STRN3: variants seen among roughly 807,000 people sequenced by gnomAD.
STRN3 encodes the protein striatin 3.
STRN3 carries 29 observed loss-of-function variants against 95.6 expected under a neutral mutation model. The ratio of observed to expected loss-of-function variants is 0.30; its 90% CI spans 0.23 to 0.41. The LOEUF is 0.41. Among genes scored for constraint, STRN3 ranks in the 10% least tolerant of loss-of-function variants. STRN3 has a pLI of 1.00. For missense variants in STRN3, 890 were observed against 972.1 expected, an observed-to-expected ratio of 0.92 and a Z score of 1.12; for synonymous variants, 331 against 357.6, an observed-to-expected ratio of 0.93 and a Z score of 0.84.
At chr14:30,924,684 CCTGT>C (rs2139033753) in intron 8 of STRN3, among the ~76,000 whole-genome samples, 1 of 152,130 alleles carries the variant, frequency 6.6e-6, no homozygotes, top group Non-Finnish European at 1.5e-5. Context: ...ATACAGAGAT[CCTGT>C]CTATTAAAAA....
chr14:30,918,055 G>A (rs1172329004), intron 9 of STRN3, among the ~76,000 whole-genome samples: 4 of 152,200 alleles, frequency 2.6e-5, no homozygotes, highest in Admixed American at 6.5e-5. Context: ...TGTTTAAGTA[G>A]TACTTTCATT....
intron 8 of STRN3, among the ~76,000 whole-genome samples, chr14:30,928,085 T>A (rs965313556): frequency 3.3e-5 from 5 of 152,074 alleles, no homozygotes; most frequent in Non-Finnish European, 5.9e-5. Flanking sequence ...CAGCCCAGTA[T>A]CAAATGTTTT....
intron 5 of STRN3, among the ~76,000 whole-genome samples, chr14:30,941,464 C>T (rs933369120): frequency 6.6e-6 from 1 of 152,148 alleles, no homozygotes; most frequent in Non-Finnish European, 1.5e-5. Flanking sequence ...TACAACCCTG[C>T]TGTTTTCATT....
chr14:30,902,385 G>A lies in STRN3; in HGVS notation c.2137+151C>T, dbSNP rs535160979. 6.7e-5 allele frequency: 36 copies of A among 535,742 alleles called. No homozygotes were observed. In the South Asian group the frequency reaches 8.4e-4, roughly 12 times the overall value. 33.2% of individuals were successfully genotyped at this position (535,742 alleles called of 1,614,324 possible). A position where few individuals can be genotyped will look rare whatever the true frequency, so the allele number is the denominator to read the frequency against. ...AAGGATAAAATAACAAATCATAAGC[G>A]TGCAACATTAAGAAAAGCAAAAATC... On this transcript the variant is annotated intron_variant, in intron 16 of 17. Transcript: ENST00000357479.
intron 1 of STRN3, 143 bp downstream of exon 1, chr14:31,025,761 A>T: frequency 8.7e-7 from 1 of 1,143,898 alleles, no homozygotes; most frequent in Non-Finnish European, 1.2e-6. Flanking sequence ...AGCCGTTGAG[A>T]GGACCATCAC....
At chr14:30,993,120 G>T (rs1882038653) in intron 1 of STRN3, among the ~76,000 whole-genome samples, 1 of 152,120 alleles carries the variant, frequency 6.6e-6, no homozygotes, top group Non-Finnish European at 1.5e-5. Context: ...AACTAGCCAG[G>T]TAGGCTGGCA....
At chr14:30,957,468 A>AGAGAG (rs1555320672) in intron 1 of STRN3, among the ~76,000 whole-genome samples, 4 of 139,134 alleles carry the variant, frequency 2.9e-5, no homozygotes, top group South Asian at 2.2e-4. Flanking sequence ...AAAAAAAAAA[A>AGAGAG]AGAGAGAGAG....
chr14:30,929,108 C>T lies in STRN3; in HGVS notation c.1099+93G>A, dbSNP rs1878344210. The T allele has an allele frequency of 1.1e-5, 12 of 1,092,686 alleles. No homozygotes were observed. The South Asian group carries it at 2.2e-4, about 20-fold the overall frequency. The allele number at this position is 1,092,686 out of a possible 1,614,324, so 67.7% of individuals were successfully genotyped here. A position where few individuals can be genotyped will look rare whatever the true frequency, so the allele number is the denominator to read the frequency against. The stretch of plus-strand genomic sequence containing the variant: ...AAAGTTAGTTGCCCCCTTTATGAAA[C>T]AAAAAATTAAGTTACACAAAGAAAC... On this transcript the variant is annotated intron_variant, in intron 8 of 17. Transcript: ENST00000357479.
chr14:30,946,706 G>A (rs1183668560), intron 5 of STRN3, among the ~76,000 whole-genome samples: 1 of 152,188 alleles, frequency 6.6e-6, no homozygotes, highest in African/African-American at 2.4e-5. Context: ...AGTTGGGCAC[G>A]CTGGCTCACG....
At chr14:30,960,131 G>A (rs1235689161) in intron 1 of STRN3, among the ~76,000 whole-genome samples, 1 of 151,772 alleles carries the variant, frequency 6.6e-6, no homozygotes, top group Non-Finnish European at 1.5e-5. Flanking sequence ...TGAGGAGGGT[G>A]GATTGCTTGA....
At chr14:30,961,002 A>T (rs1880176782) in intron 1 of STRN3, among the ~76,000 whole-genome samples, 1 of 152,110 alleles carries the variant, frequency 6.6e-6, no homozygotes, top group Non-Finnish European at 1.5e-5. Context: ...TGCTTTTAGG[A>T]TATAACAAGT....
At chr14:30,979,220 GA>G (rs572570466) in intron 1 of STRN3, among the ~76,000 whole-genome samples, 125 of 151,814 alleles carry the variant, frequency 8.2e-4, no homozygotes, top group Non-Finnish European at 1.5e-3. Flanking sequence ...ACATGCACAG[GA>G]AGAAAACTAC....
intron 1 of STRN3, among the ~76,000 whole-genome samples, chr14:30,968,612 A>G (rs1377508846): frequency 6.6e-6 from 1 of 151,372 alleles, no homozygotes; most frequent in East Asian, 1.9e-4. Context: ...CCCGGGAGGC[A>G]GAGTTGCAGC....
Position 30,938,860 on chromosome 14 carries a change from G to C in STRN3, c.717-2236C>G, listed in dbSNP as rs78489995. On this transcript the variant is annotated intron_variant, in intron 5 of 17. Transcript: ENST00000357479. Reference sequence around the variant, plus strand: ...TGGAATGCAAATAAGCATATGAACAGATGCTCAACATCATTAGTCTTTAGG... The same window carrying C: ...TGGAATGCAAATAAGCATATGAACACATGCTCAACATCATTAGTCTTTAGG... Among the ~76,000 whole-genome samples, 1,317 of 152,296 alleles carry C rather than the reference G, an allele frequency of 8.6e-3. 24 individuals carry two copies. The highest frequency in any genetic ancestry group is 0.03 in the African/African-American group (1,243 of 41,574).
At position 30,950,956 on chromosome 14, in the gene STRN3, G is replaced by GA. The variant is rs760378843; in HGVS notation, c.461-13dup. Reference sequence around the variant, plus strand: ...GTCTTTGGTTTCTTCTAAAAATTAAGAAAAAAAAAGTTTTACATACTTTAT... The same window carrying GA: ...GTCTTTGGTTTCTTCTAAAAATTAAGAAAAAAAAAAGTTTTACATACTTTAT... On this transcript the variant is annotated splice_polypyrimidine_tract_variant and intron_variant, in intron 3 of 17. Transcript: ENST00000357479. 207 of 1,589,022 alleles carry GA rather than the reference G, an allele frequency of 1.3e-4. No homozygotes were observed. The highest frequency in any genetic ancestry group is 2.5e-4 in the South Asian group (22 of 87,170).
At chr14:30,940,995 T>C (rs1015404529) in intron 5 of STRN3, among the ~76,000 whole-genome samples, 5 of 152,034 alleles carry the variant, frequency 3.3e-5, no homozygotes, top group Non-Finnish European at 5.9e-5. Flanking sequence ...AGAGTCCTCA[T>C]GAATAGGATT....
intron 1 of STRN3, among the ~76,000 whole-genome samples, chr14:30,975,542 GAAAAAAA>G (rs538959303): frequency 3.3e-5 from 1 of 30,438 alleles, no homozygotes; most frequent in African/African-American, 1.0e-4. Flanking sequence ...CCCCCCTACT[GAAAAAAA>G]AAAAAAAAGA....
chr14:30,924,446 G>A (rs979672154), intron 8 of STRN3, among the ~76,000 whole-genome samples: 28 of 151,592 alleles, frequency 1.8e-4, no homozygotes, highest in Non-Finnish European at 3.4e-4. Flanking sequence ...GAGCCACCAC[G>A]CCCAGCTAAT....
At chr14:31,013,868 TATTA>T (rs1883095278) in intron 1 of STRN3, among the ~76,000 whole-genome samples, 1 of 25,652 alleles carries the variant, frequency 3.9e-5, no homozygotes, top group Non-Finnish European at 1.3e-4. Context: ...GCAATTTTAT[TATTA>T]TTATTATTAT....
Sources: allele counts gnomAD v4.1 joint callset (sites outside exome capture counted in the v4.1 genomes callset), GRCh38; gene constraint gnomAD v4.1.1; transcripts MANE v1.5; gene names NCBI Gene and HGNC (gene_info 2026-07-23, HGNC 2026-07-21).